The following ERAP1 variants were observed in gnomAD, a reference collection of about 807,000 sequenced individuals.
ERAP1 encodes the protein endoplasmic reticulum aminopeptidase 1.
In ERAP1, 86 loss-of-function variants were observed where a neutral mutation model predicts 103.7. The ratio of observed to expected loss-of-function variants is 0.83; its 90% CI spans 0.70 to 0.99. The LOEUF (loss-of-function observed/expected upper bound fraction) is 0.99, where lower values mean the gene tolerates loss of function less well. Among genes scored for constraint, ERAP1 ranks in the 50% least tolerant of loss-of-function variants. The probability of loss-of-function intolerance (pLI) is 0.00; values close to 1 mark genes in which losing one functional copy is unlikely to be tolerated. For synonymous variants in ERAP1, 398 were observed against 402.4 expected (o/e 0.99, Z 0.13); for missense variants, 1,009 against 1,128.4 (o/e 0.89, Z 1.52).
Position 96,781,205 on chromosome 5 carries a change from G to T in ERAP1, c.2448-7C>A. On this transcript the variant is annotated splice_region_variant and splice_polypyrimidine_tract_variant and intron_variant, in intron 16 of 18. Coordinates refer to ENST00000443439, the MANE Select transcript of ERAP1 (RefSeq NM_001040458.3). ...AAAGCTTTCATCTAGTAGCCTAGAAGGATTAAGAAAAGAAATGTTAGCAAT... is the reference window on the plus strand; with the variant it reads ...AAAGCTTTCATCTAGTAGCCTAGAATGATTAAGAAAAGAAATGTTAGCAAT... The T allele has an allele frequency of 6.2e-7, 1 of 1,611,178 alleles. No individual in the cohort carries two copies. The highest frequency in any genetic ancestry group is 8.5e-7 in the Non-Finnish European group (1 of 1,178,674).
the ERAP1 span, among the ~76,000 whole-genome samples, chr5:96,849,752 A>G: frequency 4.9e-4 from 75 of 152,328 alleles, no homozygotes; most frequent in South Asian, 0.014. Context: ...GAAATGGAAA[A>G]AACAATCCTA....
exon 20 of ERAP1, chr5:96,762,827 A>C: frequency 3.2e-6 from 1 of 308,272 alleles, no homozygotes; most frequent in Non-Finnish European, 6.1e-6. Context: ...AACGTCATGG[A>C]ATAGCATTGT....
Position 96,790,546 on chromosome 5 carries a change from G to C in ERAP1, c.1418C>G (p.Thr473Arg). The C allele has an allele frequency of 1.2e-6, 2 of 1,613,886 alleles. No individual in the cohort carries two copies. Among genetic ancestry groups the C allele is most frequent in the Non-Finnish European group, 1.7e-6 (2 of 1,179,838 alleles). ...ACTATCCCACAGGTCCTCGTTTTTT[G>C]TATTTTTATAGCTATGCTTCTGGAG... ...QYLQKHSYKN[T>R]KNEDLWDSMA... is the part of the protein sequence containing the mutation. Residue 473 changes from threonine (T) to arginine (R), a missense_variant, in exon 9 of 19, where the codon ACA becomes AGA. By Grantham distance (71) the Thr-to-Arg change is moderately conservative (BLOSUM62 -1). This residue lies in a region of ERAP1 where 611 missense variants were observed against 651.7 expected (regional missense o/e 0.94). Transcript: ENST00000443439.
chr5:96,831,722 G>A, the ERAP1 span, among the ~76,000 whole-genome samples: 1 of 152,198 alleles, frequency 6.6e-6, no homozygotes, highest in Non-Finnish European at 1.5e-5. Context: ...GCTGGGAAAT[G>A]CTGCTATTTC....
At position 96,783,251 on chromosome 5, in the gene ERAP1, A is replaced by C. The variant is rs200189728; in HGVS notation, c.2101-16T>G. The C allele has an allele frequency of 5.3e-5, 85 of 1,600,862 alleles. 1 individual carries two copies. The African/African-American group carries it at 9.8e-4, about 18-fold the overall frequency. On this transcript the variant is annotated splice_polypyrimidine_tract_variant and intron_variant, in intron 14 of 18. Coordinates refer to ENST00000443439, the MANE Select transcript of ERAP1 (RefSeq NM_001040458.3). The stretch of plus-strand genomic sequence containing the variant: ...TGAGGAAGGCCTGAGGGCGTTGTAC[A>C]GGGAAACAGGGACCAGTATTGTCAC...
the ERAP1 span, among the ~76,000 whole-genome samples, chr5:96,837,036 T>C: frequency 6.6e-6 from 1 of 152,176 alleles, no homozygotes; most frequent in African/African-American, 2.4e-5. Flanking sequence ...CAAAATATAT[T>C]AGGCTAAAAT....
At chr5:96,903,170 T>A in the ERAP1 span, among the ~76,000 whole-genome samples, 1 of 152,238 alleles carries the variant, frequency 6.6e-6, no homozygotes. Flanking sequence ...GTCTTATTCC[T>A]ATGAATTAAC....
intron 5 of ERAP1, among the ~76,000 whole-genome samples, chr5:96,794,648 A>G (rs1254177592): frequency 6.6e-6 from 1 of 152,242 alleles, no homozygotes; most frequent in Non-Finnish European, 1.5e-5. Flanking sequence ...TGTAAGAAAG[A>G]AAATTCAGAT....
chr5:96,932,754 A>G, the ERAP1 span, among the ~76,000 whole-genome samples: 16 of 152,182 alleles, frequency 1.1e-4, no homozygotes, highest in Admixed American at 1.0e-3. Context: ...CAAGTTTGTC[A>G]GTTCTTTAAA....
At chr5:96,871,869 G>A in the ERAP1 span, among the ~76,000 whole-genome samples, 1 of 152,126 alleles carries the variant, frequency 6.6e-6, no homozygotes, top group Non-Finnish European at 1.5e-5. Flanking sequence ...AAAATTCTGA[G>A]AATACATGTT....
intron 3 of ERAP1, among the ~76,000 whole-genome samples, chr5:96,799,524 G>A (rs1278306442): frequency 3.3e-5 from 5 of 151,710 alleles, no homozygotes; most frequent in Admixed American, 3.3e-4. Context: ...TAGCATCTTT[G>A]TGGCGCTTCC....
In ERAP1 at chr5:96,774,704, A is replaced by T; in HGVS notation, c.*1692T>A. ...TAAAATCTTGGTTGTGTATTTTTTT[A>T]AAAGAAGGGAAATAGTTTAGTTTGG... On this transcript the variant is annotated 3_prime_UTR_variant, in exon 19 of 19. Transcript: ENST00000443439. The T allele has an allele frequency of 5.1e-6, 5 of 971,496 alleles. No homozygotes were observed. Among genetic ancestry groups the T allele is most frequent in the Non-Finnish European group, 6.1e-6 (5 of 816,708 alleles). 60.2% of individuals were successfully genotyped at this position (971,496 alleles called of 1,614,324 possible).
At chr5:96,793,347 A>G in intron 7 of ERAP1, 53 bp downstream of exon 7, 5 of 1,244,760 alleles carry the variant, frequency 4.0e-6, no homozygotes, top group Non-Finnish European at 5.9e-6. Flanking sequence ...TTCCAGCAAT[A>G]TTGAACAAAA....
chr5:96,923,415 C>T, the ERAP1 span, among the ~76,000 whole-genome samples: 3 of 152,064 alleles, frequency 2.0e-5, no homozygotes, highest in East Asian at 1.9e-4. Context: ...AAACTTCAGG[C>T]GGGGCGTAGT....
At chr5:96,899,682 G>A in the ERAP1 span, among the ~76,000 whole-genome samples, 1 of 152,184 alleles carries the variant, frequency 6.6e-6, no homozygotes, top group African/African-American at 2.4e-5. Context: ...GGTAAACAAA[G>A]GTGTTTCCCC....
At chr5:96,835,538 TA>T in the ERAP1 span, among the ~76,000 whole-genome samples, 17,466 of 152,110 alleles carry the variant, frequency 0.11, 1,280 homozygotes, top group Middle Eastern at 0.24. Context: ...GAAATGATGT[TA>T]AAAAAAATTC....
the ERAP1 span, among the ~76,000 whole-genome samples, chr5:96,838,611 A>C: frequency 6.6e-6 from 1 of 150,746 alleles, no homozygotes; most frequent in Non-Finnish European, 1.5e-5. Context: ...GTCCACTTGA[A>C]TTCTTAAATT....
At chr5:96,770,707 A>G (rs1771984562), downstream of ERAP1, 3 of 776,618 alleles carry the variant, frequency 3.9e-6, no homozygotes, top group African/African-American at 5.2e-5. Flanking sequence ...TTAGAATAAA[A>G]TTTCTTAAAG....
At chr5:96,820,736 G>T in the ERAP1 span, among the ~76,000 whole-genome samples, 1 of 152,088 alleles carries the variant, frequency 6.6e-6, no homozygotes, top group Admixed American at 6.5e-5. Flanking sequence ...TGGGTTTTGT[G>T]CCATGTTTGA....
Sources: gnomAD v4.1 joint callset for allele counts (sites outside exome capture counted in the v4.1 genomes callset) on GRCh38, gnomAD v4.1.1 for gene constraint, gnomAD v4.1.1 regional missense constraint, MANE v1.5 for transcripts, NCBI Gene and HGNC (gene_info 2026-07-23, HGNC 2026-07-21) for gene names.